The following MN1 variants were observed in gnomAD, a reference collection of about 807,000 sequenced individuals.
MN1 encodes transcriptional activator MN1.
In MN1, 19 loss-of-function variants were observed where a neutral mutation model predicts 86.9. That is an observed-to-expected ratio of 0.22 (90% CI 0.15 to 0.32). MN1 has a LOEUF of 0.32. Among genes scored for constraint, MN1 ranks in the 10% least tolerant of loss-of-function variants. The pLI, the probability that MN1 is intolerant of heterozygous loss-of-function variation, is 1.00. For missense variants in MN1, 1,841 were observed against 1,862.0 expected (o/e 0.99, Z 0.21); for synonymous variants, 928 against 849.6 (o/e 1.09, Z -1.60).
Position 27,799,419 on chromosome 22 carries a change from C to G in MN1, c.1125G>C (p.Pro375=). Residue 375 remains proline (P), a synonymous_variant, in exon 1 of 2, where the codon CCG becomes CCC. Transcript: ENST00000302326. ...PGLLVRQNSC[P]PALPRPQQGE... ...CCTGCTGGGGCCGAGGGAGCGCAGGCGGGCACGAATTTTGTCGGACTAGAA... is the reference window on the plus strand; with the variant it reads ...CCTGCTGGGGCCGAGGGAGCGCAGGGGGGCACGAATTTTGTCGGACTAGAA... The G allele has an allele frequency of 4.0e-6, 6 of 1,483,716 alleles. No individual in the cohort carries two copies. Among genetic ancestry groups the G allele is most frequent in the Non-Finnish European group, 5.3e-6 (6 of 1,121,840 alleles). 91.9% of individuals were successfully genotyped at this position (1,483,716 alleles called of 1,614,324 possible).
intron 1 of MN1, among the ~76,000 whole-genome samples, chr22:27,778,136 T>A (rs1374142294): frequency 6.6e-6 from 1 of 151,908 alleles, no homozygotes; most frequent in Non-Finnish European, 1.5e-5. Flanking sequence ...TTTTGAGGAG[T>A]TTCCCAACAC....
intron 1 of MN1, among the ~76,000 whole-genome samples, chr22:27,785,674 G>A (rs1933122006): frequency 6.6e-6 from 1 of 151,984 alleles, no homozygotes; most frequent in South Asian, 2.1e-4. Flanking sequence ...GCTTTACCTA[G>A]CCCATAAATT....
At chr22:27,779,590 C>T (rs1306617948) in intron 1 of MN1, among the ~76,000 whole-genome samples, 1 of 152,208 alleles carries the variant, frequency 6.6e-6, no homozygotes. Flanking sequence ...TGAATCCACA[C>T]TGCACCCCTG....
At chr22:27,774,843 A>T (rs1399336403) in intron 1 of MN1, among the ~76,000 whole-genome samples, 1 of 152,160 alleles carries the variant, frequency 6.6e-6, no homozygotes, top group Non-Finnish European at 1.5e-5. Context: ...GTACCAACCT[A>T]AGCCACTGGC....
rs1193567819 is a variant in MN1 at position 27,798,662 on chromosome 22, C to T, written c.1882G>A (p.Glu628Lys). 3.9e-6 allele frequency: 6 copies of T among 1,553,186 alleles called. No individual in the cohort carries two copies. The highest frequency in any genetic ancestry group is 5.2e-6 in the Non-Finnish European group (6 of 1,158,018). Residue 628 changes from glutamate to lysine, a missense_variant, in exon 1 of 2, where the codon GAG becomes AAG. Glu to Lys is a moderately conservative substitution (Grantham distance 56). Coordinates refer to ENST00000302326, the MANE Select transcript of MN1 (RefSeq NM_002430.3). ...FEQQAPHLAQESAWFSGPHPP... is the reference protein window; with the variant it reads ...FEQQAPHLAQKSAWFSGPHPP... Reference sequence around the variant, plus strand: ...TGCGGACCTGAGAACCACGCGCTCTCTTGCGCCAAGTGCGGCGCCTGCTGC... The same window carrying T: ...TGCGGACCTGAGAACCACGCGCTCTTTTGCGCCAAGTGCGGCGCCTGCTGC...
In MN1 at chr22:27,800,339, C is replaced by T; in HGVS notation, c.205G>A (p.Gly69Ser). The T allele has an allele frequency of 6.3e-7, 1 of 1,597,236 alleles. No homozygotes were observed. The highest frequency in any genetic ancestry group is 8.5e-7 in the Non-Finnish European group (1 of 1,170,940). Reference sequence around the variant, plus strand: ...TCCGAGTGGCCGCGCGCGTGGAAGCCGTAGGGCTCCATGTTCATGCCCAAG... The same window carrying T: ...TCCGAGTGGCCGCGCGCGTGGAAGCTGTAGGGCTCCATGTTCATGCCCAAG... Reference protein sequence around the residue: ...PILGMNMEPYGFHARGHSELH... With the variant: ...PILGMNMEPYSFHARGHSELH... The change falls in exon 1 of 2, where the codon GGC becomes AGC. Residue 69 changes from glycine (G) to serine (S), a missense_variant. Physicochemically the swap from Gly to Ser is moderately conservative, Grantham distance 56. Transcript: ENST00000302326.
rs779483397 is a variant in MN1 at position 27,748,910 on chromosome 22, A to G, written c.*2005T>C. On this transcript the variant is annotated 3_prime_UTR_variant, in exon 2 of 2. Transcript: ENST00000302326. ...AATGATGAGGCTCTCAAACAGCTGT[A>G]CACTGCAGAATCAGAGGGGTCATGG... The G allele has an allele frequency of 3.0e-5, 7 of 229,802 alleles. No individual in the cohort carries two copies. The highest frequency in any genetic ancestry group is 6.0e-5 in the Non-Finnish European group (7 of 115,948). The allele number at this position is 229,802 out of a possible 1,614,324, so 14.2% of individuals were successfully genotyped here.
At position 27,796,931 on chromosome 22, in the gene MN1, C is replaced by T. The variant is rs760250049; in HGVS notation, c.3613G>A (p.Glu1205Lys). Residue 1205 changes from glutamate to lysine, a missense_variant, in exon 1 of 2, where the codon GAG (glutamate) becomes AAG (lysine). By Grantham distance (56) the Glu-to-Lys change is moderately conservative. Coordinates refer to ENST00000302326, the MANE Select transcript of MN1 (RefSeq NM_002430.3). ...GDSELGSCCS[E>K]AVKSAMSTID... ...GTGCTCATGGCGCTCTTGACCGCCT[C>T]GGAGCAGCAGCTGCCCAGCTCGCTG... 26 of 1,612,572 alleles carry T rather than the reference C, an allele frequency of 1.6e-5. No individual in the cohort carries two copies. Among genetic ancestry groups the T allele is most frequent in the Non-Finnish European group, 2.5e-6 (3 of 1,179,918 alleles).
chr22:27,775,397 G>C (rs1932965098), intron 1 of MN1, among the ~76,000 whole-genome samples: 1 of 152,120 alleles, frequency 6.6e-6, no homozygotes, highest in African/African-American at 2.4e-5. Flanking sequence ...GATGGGCCTC[G>C]CGTCCACTCC....
intron 1 of MN1, among the ~76,000 whole-genome samples, chr22:27,790,739 G>A (rs1933200363): frequency 1.3e-5 from 2 of 152,276 alleles, no homozygotes; most frequent in Admixed American, 6.5e-5. Context: ...TTCCTCTCCT[G>A]GCAGGAAACT....
Position 27,800,680 on chromosome 22 carries a change from C to T in MN1, c.-137G>A. 8.2e-7 allele frequency: 1 copy of T among 1,213,886 alleles called. No individual in the cohort carries two copies. Among genetic ancestry groups the T allele is most frequent in the South Asian group, 1.4e-5 (1 of 70,268 alleles). The allele number at this position is 1,213,886 out of a possible 1,614,324, so 75.2% of individuals were successfully genotyped here. ...CACCGCGGGGGCTCAGCGCGCACCT[C>T]CACCCCGCCTGATGTGAGGGACGGG... On this transcript the variant is annotated 5_prime_UTR_variant, in exon 1 of 2. Transcript: ENST00000302326.
rs947366442 is a variant in MN1 at position 27,779,275 on chromosome 22, A to G, written c.3781+17488T>C. 4.6e-5 allele frequency among the ~76,000 whole-genome samples: 7 copies of G among 152,152 alleles called. No homozygotes were observed. The East Asian group carries it at 9.7e-4, about 21-fold the overall frequency. On this transcript the variant is annotated intron_variant, in intron 1 of 1. Coordinates refer to ENST00000302326, the MANE Select transcript of MN1 (RefSeq NM_002430.3). ...CTATACCGGCAGGCGCTTCCTCCTCACTGGGGTCCTAGGAGATGCCAGAAT... is the reference window on the plus strand; with the variant it reads ...CTATACCGGCAGGCGCTTCCTCCTCGCTGGGGTCCTAGGAGATGCCAGAAT...
In MN1 at chr22:27,796,836, C is replaced by A; in HGVS notation, c.3708G>T (p.Val1236=). The A allele has an allele frequency of 6.2e-7, 1 of 1,612,668 alleles. No homozygotes were observed. The change falls in exon 1 of 2, where the codon GTG becomes GTT. Residue 1236 remains valine, a synonymous_variant. Coordinates refer to ENST00000302326, the MANE Select transcript of MN1 (RefSeq NM_002430.3). ...ACGTCTTGTCGTCGTCCGCGCTGTC[C>A]ACCAGGGCCTTGTCAGCGGGCATGT... is the stretch of plus-strand genomic sequence containing the variant. ...AWYMPADKAL[V]DSADDDKTLA...
chr22:27,791,550 C>T (rs1302956922), intron 1 of MN1, among the ~76,000 whole-genome samples: 1 of 152,140 alleles, frequency 6.6e-6, no homozygotes, highest in Non-Finnish European at 1.5e-5. Context: ...GGTGAAACCA[C>T]TGGTTGCAGC....
chr22:27,794,305 GATACC>G (rs1176969752), intron 1 of MN1, among the ~76,000 whole-genome samples: 2 of 152,194 alleles, frequency 1.3e-5, no homozygotes, highest in Non-Finnish European at 2.9e-5. Context: ...TTCAGATGCA[GATACC>G]TTATAAAGCC....
intron 1 of MN1, among the ~76,000 whole-genome samples, chr22:27,794,735 C>G (rs912496387): frequency 6.6e-6 from 1 of 152,082 alleles, no homozygotes; most frequent in African/African-American, 2.4e-5. Flanking sequence ...ACCTGTCCAC[C>G]TAGTCTATGA....
intron 1 of MN1, among the ~76,000 whole-genome samples, chr22:27,772,229 G>A (rs1932923675): frequency 6.6e-6 from 1 of 152,198 alleles, no homozygotes; most frequent in South Asian, 2.1e-4. Context: ...AGCAGGGGCT[G>A]GGCCAACTCA....
chr22:27,784,218 C>T (rs1933091083), intron 1 of MN1, among the ~76,000 whole-genome samples: 1 of 152,176 alleles, frequency 6.6e-6, no homozygotes, highest in Non-Finnish European at 1.5e-5. Flanking sequence ...CAGGCACTCC[C>T]AGGGAGCAGG....
At chr22:27,777,606 C>T (rs1182373362) in intron 1 of MN1, among the ~76,000 whole-genome samples, 2 of 151,568 alleles carry the variant, frequency 1.3e-5, no homozygotes, top group African/African-American at 2.4e-5. Context: ...TGCCTGTAAT[C>T]CCAGCACTTT....
Sources: gnomAD v4.1 joint callset for allele counts (sites outside exome capture counted in the v4.1 genomes callset) on GRCh38, gnomAD v4.1.1 for gene constraint, MANE v1.5 for transcripts, NCBI Gene and HGNC (gene_info 2026-07-23, HGNC 2026-07-21) for gene names.